GABBR2: variants seen among roughly 807,000 people sequenced by gnomAD.
The protein encoded by GABBR2 is gamma-aminobutyric acid type B receptor subunit 2, also known as G-protein coupled receptor 51.
A neutral mutation model predicts 105.6 loss-of-function variants in GABBR2; 23 were observed. The observed-to-expected ratio is 0.22, with a 90% CI of 0.16 to 0.31. GABBR2 has a LOEUF of 0.31. Ranked by LOEUF, GABBR2 falls within the 10% of genes least tolerant of loss-of-function variation. The pLI is 1.00. For synonymous variants in GABBR2, 478 were observed against 499.7 expected (o/e 0.96, Z 0.58); for missense variants, 734 against 1,245.5 (o/e 0.59, Z 6.18).
chr9:98,599,736 A>C (rs10986946), intron 1 of GABBR2, among the ~76,000 whole-genome samples: 96,076 of 152,062 alleles, frequency 0.63, 30,729 homozygotes, highest in Non-Finnish European at 0.66. Flanking sequence ...CTCAGGACAC[A>C]AAACAGACCT....
At chr9:98,349,349 GTTTTTTTTTT>G (rs1182072320) in intron 13 of GABBR2, among the ~76,000 whole-genome samples, 6 of 24,218 alleles carry the variant, frequency 2.5e-4, no homozygotes, top group Non-Finnish European at 4.0e-4. Flanking sequence ...TTGAAGTTTT[GTTTTTTTTTT>G]TTTTTTTTTT....
At chr9:98,681,506 C>T (rs1360872288) in intron 1 of GABBR2, among the ~76,000 whole-genome samples, 1 of 151,070 alleles carries the variant, frequency 6.6e-6, no homozygotes, top group African/African-American at 2.4e-5. Flanking sequence ...GTTGGTGCAG[C>T]GTACCAGCAT....
Position 98,299,844 on chromosome 9 carries a change from A to T in GABBR2, c.2413-491T>A, listed in dbSNP as rs1291207590. ...AAGTTTAGCCCAGTGTCTGAAACAT[A>T]ATAAGGGCAACTTGCTACTATAATA... On this transcript the variant is annotated intron_variant, in intron 16 of 18. Transcript: ENST00000259455. Among the ~76,000 whole-genome samples, 4 of 152,244 alleles carry T rather than the reference A, an allele frequency of 2.6e-5. No homozygotes were observed. The East Asian group carries it at 7.7e-4, about 29-fold the overall frequency.
rs1432564843 is a variant in GABBR2 at position 98,299,244 on chromosome 9, C to T, written c.2522G>A (p.Gly841Glu). The T allele has an allele frequency of 6.2e-7, 1 of 1,614,104 alleles. No homozygotes were observed. Among genetic ancestry groups the T allele is most frequent in the Non-Finnish European group, 8.5e-7 (1 of 1,180,020 alleles). Residue 841 changes from glycine to glutamate, a missense_variant, in exon 17 of 19, where the codon GGA becomes GAA. This residue lies in a region of GABBR2 where 134 missense variants were observed against 171.2 expected (regional missense o/e 0.78). Coordinates refer to ENST00000259455, the MANE Select transcript of GABBR2 (RefSeq NM_005458.8). ...CTTACCTGTGCTCTCAGTGAAGTTT[C>T]CCAGGTTGAGGATGTCATTGAGCTC... is the stretch of plus-strand genomic sequence containing the variant. Reference protein sequence around the residue: ...YQELNDILNLGNFTESTDGGK... With the variant: ...YQELNDILNLENFTESTDGGK...
At chr9:98,340,567 G>C (rs1416422048) in intron 13 of GABBR2, among the ~76,000 whole-genome samples, 1 of 152,152 alleles carries the variant, frequency 6.6e-6, no homozygotes, top group Non-Finnish European at 1.5e-5. Context: ...GCTCATGCCT[G>C]TGTGTTTCTC....
chr9:98,288,968 G>A lies in GABBR2; in HGVS notation c.*1616C>T, dbSNP rs1294506620. On this transcript the variant is annotated 3_prime_UTR_variant, in exon 19 of 19. Transcript: ENST00000259455. ...CTGCCAATAGGTTTCTTTAGGGAGT[G>A]AGCGAGCTGCTCAGTTGTGCAGACA... is the stretch of plus-strand genomic sequence containing the variant. 2 of 152,662 alleles carry A rather than the reference G, an allele frequency of 1.3e-5. No homozygotes were observed. Among genetic ancestry groups the A allele is most frequent in the Non-Finnish European group, 2.9e-5 (2 of 68,072 alleles). The allele number at this position is 152,662 out of a possible 1,614,324, so 9.5% of individuals were successfully genotyped here. A position where few individuals can be genotyped will look rare whatever the true frequency, so the allele number is the denominator to read the frequency against.
chr9:98,560,971 C>T (rs989281251), intron 2 of GABBR2, among the ~76,000 whole-genome samples: 16 of 151,830 alleles, frequency 1.1e-4, no homozygotes, highest in African/African-American at 1.9e-4. Context: ...GTTATGAAAA[C>T]GAACAATAAT....
chr9:98,636,405 T>C (rs1349359800), intron 1 of GABBR2, among the ~76,000 whole-genome samples: 2 of 151,912 alleles, frequency 1.3e-5, no homozygotes, highest in Non-Finnish European at 2.9e-5. Flanking sequence ...AACTGAATCA[T>C]GCCCTTGGAG....
At chr9:98,592,114 G>A (rs1488630177) in intron 1 of GABBR2, among the ~76,000 whole-genome samples, 1 of 152,206 alleles carries the variant, frequency 6.6e-6, no homozygotes, top group Non-Finnish European at 1.5e-5. Context: ...TGAAAACTCT[G>A]GAGAGGCTCA....
intron 7 of GABBR2, among the ~76,000 whole-genome samples, chr9:98,425,219 T>A (rs1044659015): frequency 6.7e-6 from 1 of 149,878 alleles, no homozygotes; most frequent in African/African-American, 2.5e-5. Flanking sequence ...AAGGAATGAA[T>A]GGGTGAATGA....
Position 98,289,568 on chromosome 9 carries a change from C to G in GABBR2, c.*1016G>C, listed in dbSNP as rs1447547471. 6.6e-6 allele frequency: 1 copy of G among 152,336 alleles called. No individual in the cohort carries two copies. Among genetic ancestry groups the G allele is most frequent in the African/African-American group, 2.4e-5 (1 of 41,340 alleles). 9.4% of individuals were successfully genotyped at this position (152,336 alleles called of 1,614,324 possible). On this transcript the variant is annotated 3_prime_UTR_variant, in exon 19 of 19. Coordinates refer to ENST00000259455, the MANE Select transcript of GABBR2 (RefSeq NM_005458.8). ...AGCCCTCAGCCAGCAACTCTCTCCC[C>G]TATGTCTACGGGGATGTCTTTTAGC...
rs544439781 is a variant in GABBR2 at position 98,482,505 on chromosome 9, C to T, written c.733-1508G>A. Among the ~76,000 whole-genome samples, 140 of 152,274 alleles carry T rather than the reference C, an allele frequency of 9.2e-4. 1 individual carries two copies. The highest frequency in any genetic ancestry group is 4.1e-3 in the South Asian group (20 of 4,824). On this transcript the variant is annotated intron_variant, in intron 4 of 18. Transcript: ENST00000259455. ...ATGCTCCAAGATCTTTCTGCTTGTT[C>T]GTTAAAAATTTTTAGCATTTTTTGC...
rs1379533367 is a variant in GABBR2 at position 98,419,953 on chromosome 9, A to G, written c.1237-13812T>C. On this transcript the variant is annotated intron_variant, in intron 7 of 18. Coordinates refer to ENST00000259455, the MANE Select transcript of GABBR2 (RefSeq NM_005458.8). ...TGAGGTTAGTTGTGGGCATCCCCAAACTGAGGGATGGAGCCTCCTGACAAC... is the reference window on the plus strand; with the variant it reads ...TGAGGTTAGTTGTGGGCATCCCCAAGCTGAGGGATGGAGCCTCCTGACAAC... Among the ~76,000 whole-genome samples the G allele has an allele frequency of 2.0e-5, 3 of 151,990 alleles. 1 individual carries two copies. In the East Asian group the frequency reaches 5.8e-4, roughly 29 times the overall value.
chr9:98,326,099 T>G (rs1316708253), intron 13 of GABBR2, among the ~76,000 whole-genome samples: 5 of 152,164 alleles, frequency 3.3e-5, no homozygotes, highest in Admixed American at 6.5e-5. Context: ...GACAAGTAAT[T>G]GGGAAGAGCC....
At chr9:98,494,302 G>A (rs1231755034) in intron 4 of GABBR2, among the ~76,000 whole-genome samples, 1 of 152,236 alleles carries the variant, frequency 6.6e-6, no homozygotes, top group Non-Finnish European at 1.5e-5. Flanking sequence ...ACAAGTGGGA[G>A]TTGGAGGAAC....
At chr9:98,561,139 A>G (rs1037173459) in intron 2 of GABBR2, among the ~76,000 whole-genome samples, 6 of 152,086 alleles carry the variant, frequency 3.9e-5, no homozygotes. Flanking sequence ...TTGGCTTTAT[A>G]TGGTTTTTCT....
intron 1 of GABBR2, among the ~76,000 whole-genome samples, chr9:98,636,538 G>T (rs1829879662): frequency 7.3e-6 from 1 of 137,056 alleles, no homozygotes. Flanking sequence ...CTGTCACCCA[G>T]GCTGGAGTGC....
chr9:98,376,307 C>T (rs1162783951), intron 11 of GABBR2, among the ~76,000 whole-genome samples: 2 of 152,178 alleles, frequency 1.3e-5, no homozygotes, highest in Non-Finnish European at 2.9e-5. Flanking sequence ...TGCTGGCAGG[C>T]CTGTTCTGAC....
chr9:98,430,834 T>C (rs1266279345), intron 7 of GABBR2, among the ~76,000 whole-genome samples: 4 of 152,198 alleles, frequency 2.6e-5, no homozygotes, highest in East Asian at 1.9e-4. Flanking sequence ...ATCTGGGCGA[T>C]TGTAAGATTC....
Sources: allele counts gnomAD v4.1 joint callset (sites outside exome capture counted in the v4.1 genomes callset), GRCh38; gene constraint gnomAD v4.1.1; regional missense constraint gnomAD v4.1.1; transcripts MANE v1.5; gene names NCBI Gene and HGNC (gene_info 2026-07-23, HGNC 2026-07-21).